The following SORCS3 variants were observed in gnomAD, a reference collection of about 807,000 sequenced individuals.
SORCS3 encodes sortilin related VPS10 domain containing receptor 3.
Under a neutral mutation model 146.3 loss-of-function variants are expected in SORCS3, and 57 were observed. The ratio of observed to expected loss-of-function variants is 0.39; its 90% CI spans 0.31 to 0.49. The LOEUF (loss-of-function observed/expected upper bound fraction) is 0.49. Ranked by LOEUF, SORCS3 falls within the 20% of genes least tolerant of loss-of-function variation. The pLI is 0.92. For synonymous variants in SORCS3, 653 were observed against 618.5 expected (o/e 1.06, Z -0.83); for missense variants, 1,341 against 1,575.5 (o/e 0.85, Z 2.52).
At chr10:105,236,765 T>C (rs536900572) in intron 20 of SORCS3, among the ~76,000 whole-genome samples, 1 of 152,288 alleles carries the variant, frequency 6.6e-6, no homozygotes, top group African/African-American at 2.4e-5. Flanking sequence ...TAGTTTATAC[T>C]TCTGTAATAA....
intron 6 of SORCS3, among the ~76,000 whole-genome samples, chr10:105,095,343 G>C (rs1335862006): frequency 6.6e-6 from 1 of 152,164 alleles, no homozygotes; most frequent in Non-Finnish European, 1.5e-5. Context: ...GGAGCAGACT[G>C]TGACTGTGGT....
At chr10:105,005,831 C>T (rs1398156273) in intron 4 of SORCS3, among the ~76,000 whole-genome samples, 1 of 152,214 alleles carries the variant, frequency 6.6e-6, no homozygotes, top group Non-Finnish European at 1.5e-5. Flanking sequence ...TAACTAGCTA[C>T]TTGATATCTC....
At chr10:104,697,208 ATGT>A (rs2016226997) in intron 1 of SORCS3, among the ~76,000 whole-genome samples, 4 of 152,162 alleles carry the variant, frequency 2.6e-5, no homozygotes, top group Non-Finnish European at 5.9e-5. Context: ...TAGCTGTTTG[ATGT>A]TGTAAACAAT....
At chr10:105,243,607 T>C (rs2056849424) in intron 20 of SORCS3, among the ~76,000 whole-genome samples, 1 of 152,178 alleles carries the variant, frequency 6.6e-6, no homozygotes, top group African/African-American at 2.4e-5. Context: ...CACCCAGTCA[T>C]AAGTATGGGA....
intron 3 of SORCS3, among the ~76,000 whole-genome samples, chr10:104,925,277 G>A (rs567931815): frequency 6.6e-6 from 1 of 152,178 alleles, no homozygotes; most frequent in African/African-American, 2.4e-5. Flanking sequence ...CACATGACTC[G>A]GTTGTCTTTT....
At chr10:104,671,032 T>G (rs2015844730) in intron 1 of SORCS3, among the ~76,000 whole-genome samples, 1 of 151,776 alleles carries the variant, frequency 6.6e-6, no homozygotes, top group South Asian at 2.1e-4. Flanking sequence ...CTGAATTTAT[T>G]AGTTCCAATC....
At chr10:104,684,054 A>G (rs752106280) in intron 1 of SORCS3, among the ~76,000 whole-genome samples, 9 of 152,172 alleles carry the variant, frequency 5.9e-5, no homozygotes, top group Admixed American at 6.5e-5. Context: ...CAGAAGTGAC[A>G]CAGTTACTGT....
At chr10:105,212,635 A>AT (rs2056640465) in intron 17 of SORCS3, among the ~76,000 whole-genome samples, 1 of 152,254 alleles carries the variant, frequency 6.6e-6, no homozygotes, top group African/African-American at 2.4e-5. Context: ...AGGAATGGCA[A>AT]TTAAAAAAAA....
At chr10:104,869,436 C>T (rs2018493549) in intron 2 of SORCS3, among the ~76,000 whole-genome samples, 2 of 152,184 alleles carry the variant, frequency 1.3e-5, no homozygotes, top group African/African-American at 4.8e-5. Flanking sequence ...GATGCTCACT[C>T]ACATTGAAGA....
intron 4 of SORCS3, among the ~76,000 whole-genome samples, chr10:104,979,272 T>C (rs951256831): frequency 6.6e-6 from 1 of 152,180 alleles, no homozygotes; most frequent in Non-Finnish European, 1.5e-5. Context: ...ATGCTTAAAT[T>C]CTGTAGTTCT....
chr10:104,651,842 G>C (rs1027563440), intron 1 of SORCS3, among the ~76,000 whole-genome samples: 15 of 152,186 alleles, frequency 9.9e-5, no homozygotes, highest in Non-Finnish European at 1.2e-4. Context: ...CCTGATCACT[G>C]TAGCTTGCTT....
intron 10 of SORCS3, among the ~76,000 whole-genome samples, chr10:105,158,038 A>G (rs1219747057): frequency 6.6e-6 from 1 of 152,170 alleles, no homozygotes. Flanking sequence ...TGGTAAATAC[A>G]GCAAATAGCG....
chr10:105,142,375 G>T (rs536933137), intron 8 of SORCS3, among the ~76,000 whole-genome samples: 3 of 152,130 alleles, frequency 2.0e-5, no homozygotes, highest in African/African-American at 7.2e-5. Flanking sequence ...AGATTCAGAC[G>T]TCTGTCTTGT....
At chr10:104,962,149 T>C (rs1374550658) in intron 3 of SORCS3, among the ~76,000 whole-genome samples, 4 of 152,002 alleles carry the variant, frequency 2.6e-5, no homozygotes, top group Non-Finnish European at 5.9e-5. Flanking sequence ...GGAGGCTTCA[T>C]GGAAGGGATT....
chr10:104,901,414 A>G lies in SORCS3; in HGVS notation c.696-14419A>G, dbSNP rs542536865. 2.6e-5 allele frequency among the ~76,000 whole-genome samples: 4 copies of G among 152,302 alleles called. No individual in the cohort carries two copies. In the East Asian group the frequency reaches 7.7e-4, roughly 29 times the overall value. On this transcript the variant is annotated intron_variant, in intron 2 of 26. Coordinates refer to ENST00000369701, the MANE Select transcript of SORCS3 (RefSeq NM_014978.3). ...CTTAACCACTCTGGTAATATATTCC[A>G]TTTGGCTTAATTGCTTCCTACTCAT...
At chr10:104,785,000 T>G (rs935760818) in intron 1 of SORCS3, among the ~76,000 whole-genome samples, 25 of 151,834 alleles carry the variant, frequency 1.6e-4, no homozygotes, top group African/African-American at 5.8e-4. Context: ...GCAGAGGGGC[T>G]CCTCACTTCC....
intron 1 of SORCS3, among the ~76,000 whole-genome samples, 185 bp from the exon 2 acceptor site, chr10:104,842,607 G>A (rs1394560880): frequency 6.6e-6 from 1 of 152,172 alleles, no homozygotes; most frequent in Admixed American, 6.5e-5. Flanking sequence ...TTACAGGGAT[G>A]CATTAAATTA....
intron 1 of SORCS3, among the ~76,000 whole-genome samples, chr10:104,752,807 T>TA (rs1375284522): frequency 6.6e-6 from 1 of 152,214 alleles, no homozygotes; most frequent in Non-Finnish European, 1.5e-5. Context: ...TTCTGATAGT[T>TA]ACTATCAACT....
intron 14 of SORCS3, among the ~76,000 whole-genome samples, chr10:105,186,876 C>T (rs2056480554): frequency 7.3e-6 from 1 of 136,962 alleles, no homozygotes; most frequent in Non-Finnish European, 1.6e-5. Flanking sequence ...AAGAGTGAGA[C>T]TCCATCTCAA....
Sources: gnomAD v4.1 joint callset for allele counts (sites outside exome capture counted in the v4.1 genomes callset) on GRCh38, gnomAD v4.1.1 for gene constraint, MANE v1.5 for transcripts, NCBI Gene and HGNC (gene_info 2026-07-23, HGNC 2026-07-21) for gene names.